The following COL4A1 variants were observed in gnomAD, a reference collection of about 807,000 sequenced individuals.
The protein encoded by COL4A1 is collagen alpha-1(IV) chain.
A neutral mutation model predicts 216.6 loss-of-function variants in COL4A1; 40 were observed. The ratio of observed to expected loss-of-function variants is 0.18; its 90% CI spans 0.14 to 0.24. The LOEUF is 0.24. Among genes scored for constraint, COL4A1 ranks in the 10% least tolerant of loss-of-function variants. The pLI is 1.00. For missense variants in COL4A1, 1,628 were observed against 2,196.8 expected (o/e 0.74, Z 5.18); for synonymous variants, 839 against 810.7 (o/e 1.03, Z -0.59).
At position 110,270,601 on chromosome 13, in the gene COL4A1, G is replaced by A. The variant is rs141869245; in HGVS notation, c.85-27867C>T. On this transcript the variant is annotated intron_variant, in intron 1 of 51. Coordinates refer to ENST00000375820, the MANE Select transcript of COL4A1 (RefSeq NM_001845.6). ...GTACACTGGAAGGTGCTGAGGCTTA[G>A]GGTGGGGCAGATGGGAACGAGGTCT... Among the ~76,000 whole-genome samples the A allele has an allele frequency of 7.9e-5, 12 of 152,292 alleles. No homozygotes were observed. The East Asian group carries it at 2.3e-3, about 29-fold the overall frequency.
intron 4 of COL4A1, 25 bp downstream of exon 4, chr13:110,213,757 G>A (rs536678882): frequency 1.2e-5 from 19 of 1,611,830 alleles, no homozygotes; most frequent in Middle Eastern, 1.7e-4. Context: ...TGGAATCATC[G>A]ATTGTGAGTA....
intron 1 of COL4A1, among the ~76,000 whole-genome samples, chr13:110,247,142 G>C (rs1333096333): frequency 6.6e-6 from 1 of 152,142 alleles, no homozygotes; most frequent in African/African-American, 2.4e-5. Context: ...AACCAAGTCA[G>C]TTTTGAAAGT....
In COL4A1 at chr13:110,253,049, GTACGTATGTATTACATATACATA is replaced by G. The variant is rs1882235139; in HGVS notation, c.85-10338_85-10316del. Among the ~76,000 whole-genome samples the G allele has an allele frequency of 1.4e-4, 12 of 86,362 alleles. 2 individuals carry two copies. The highest frequency in any genetic ancestry group is 5.1e-4 in the South Asian group (1 of 1,946). The allele number at this position is 86,362 out of a possible 152,430, so 56.7% of individuals were successfully genotyped here. On this transcript the variant is annotated intron_variant, in intron 1 of 51. Coordinates refer to ENST00000375820, the MANE Select transcript of COL4A1 (RefSeq NM_001845.6). Reference sequence around the variant, plus strand: ...GTATTACATATACATATAACTATAAGTACGTATGTATTACATATACATATAACTATAAGTACGTATGTATTACA... The same window carrying G: ...GTATTACATATACATATAACTATAAGTAACTATAAGTACGTATGTATTACA...
Position 110,198,078 on chromosome 13 carries a change from G to GGGGT in COL4A1, c.1285+388_1285+389insACCC, listed in dbSNP as rs1555305318. 3.1e-3 allele frequency among the ~76,000 whole-genome samples: 437 copies of GGGGT among 141,932 alleles called. 2 individuals carry two copies. Among genetic ancestry groups the GGGGT allele is most frequent in the Middle Eastern group, 0.014 (4 of 278 alleles). 93.1% of individuals were successfully genotyped at this position (141,932 alleles called of 152,430 possible). On this transcript the variant is annotated intron_variant, in intron 21 of 51. Transcript: ENST00000375820. ...GTAATCCTGTCTTCCTTGTTTCTGG[G>GGGGT]GTGTGTGTGTGTGTGTGTGTGTGTG...
chr13:110,188,192 G>C (rs1231776293), intron 24 of COL4A1, among the ~76,000 whole-genome samples: 1 of 152,238 alleles, frequency 6.6e-6, no homozygotes. Context: ...CCTGAGAAAG[G>C]CATCTTCAGA....
chr13:110,198,886 T>G (rs899548785), intron 20 of COL4A1, among the ~76,000 whole-genome samples: 1 of 152,248 alleles, frequency 6.6e-6, no homozygotes, highest in African/African-American at 2.4e-5. Flanking sequence ...TGAATTTCTC[T>G]CAGTGCAAAT....
Position 110,206,682 on chromosome 13 carries a change from C to T in COL4A1, c.841G>A (p.Gly281Arg), listed in dbSNP as rs866316555. Reference protein sequence around the residue: ...MPGVGEKGEPGKPGPRGKPGK... With the variant: ...MPGVGEKGEPRKPGPRGKPGK... ...GCACTTACTCTGGGTCCTGGTTTTC[C>T]GGGTTCACCTTTCTCTCCGACCCCT... The change falls in exon 15 of 52, where the codon GGA (glycine) becomes AGA (arginine). Residue 281 changes from glycine to arginine, a missense_variant. Physicochemically the swap from Gly to Arg is moderately radical, Grantham distance 125. Transcript: ENST00000375820. 2 of 1,614,100 alleles carry T rather than the reference C, an allele frequency of 1.2e-6. No individual in the cohort carries two copies. The highest frequency in any genetic ancestry group is 1.3e-5 in the African/African-American group (1 of 75,016).
Position 110,152,518 on chromosome 13 carries a change from A to C in COL4A1, c.4756-12T>G. 1 of 1,605,876 alleles carries C rather than the reference A, an allele frequency of 6.2e-7. No individual in the cohort carries two copies. Among genetic ancestry groups the C allele is most frequent in the Non-Finnish European group, 8.5e-7 (1 of 1,178,724 alleles). ...CCAGCGCTGGTGTGCTGCAGAACAG[A>C]TGCGAGCCGTGAGTCAGAGGTTCCC... On this transcript the variant is annotated splice_polypyrimidine_tract_variant and intron_variant, in intron 50 of 51. Transcript: ENST00000375820.
chr13:110,286,290 A>T (rs894798925), intron 1 of COL4A1, among the ~76,000 whole-genome samples: 1 of 152,182 alleles, frequency 6.6e-6, no homozygotes, highest in African/African-American at 2.4e-5. Context: ...GCCAATAACC[A>T]TCTGGTTTAT....
intron 2 of COL4A1, among the ~76,000 whole-genome samples, chr13:110,241,222 G>A (rs1881553351): frequency 6.6e-6 from 1 of 152,182 alleles, no homozygotes; most frequent in African/African-American, 2.4e-5. Context: ...AGTATGTAAA[G>A]CTCCAGAGCC....
intron 46 of COL4A1, among the ~76,000 whole-genome samples, chr13:110,163,762 G>C (rs912699708): frequency 1.3e-5 from 2 of 152,090 alleles, no homozygotes; most frequent in African/African-American, 4.8e-5. Flanking sequence ...TATTCATAAG[G>C]GGGTGTGTGT....
intron 2 of COL4A1, among the ~76,000 whole-genome samples, chr13:110,239,418 T>C (rs549469665): frequency 1.2e-4 from 18 of 152,298 alleles, no homozygotes; most frequent in African/African-American, 4.3e-4. Context: ...AAGTAATAAT[T>C]TCCAAATTTC....
At chr13:110,192,345 CT>C in intron 23 of COL4A1, 61 bp from the exon 24 acceptor site, 4 of 1,507,442 alleles carry the variant, frequency 2.7e-6, no homozygotes, top group Non-Finnish European at 3.7e-6. Flanking sequence ...TTCTCAAAAC[CT>C]TTTCTTAAGA....
intron 1 of COL4A1, among the ~76,000 whole-genome samples, chr13:110,260,704 G>A (rs927784421): frequency 5.9e-5 from 9 of 152,038 alleles, no homozygotes; most frequent in African/African-American, 1.7e-4. Context: ...TGGTGGGGAC[G>A]GTCACACAAC....
intron 1 of COL4A1, among the ~76,000 whole-genome samples, chr13:110,277,062 G>C (rs1883458554): frequency 2.0e-5 from 3 of 152,116 alleles, no homozygotes; most frequent in African/African-American, 7.2e-5. Flanking sequence ...GTAGACATCT[G>C]GGTTTTTGAA....
intron 2 of COL4A1, among the ~76,000 whole-genome samples, chr13:110,237,801 AT>A (rs1881388966): frequency 6.6e-6 from 1 of 152,250 alleles, no homozygotes. Context: ...TGACATGGAC[AT>A]ACACCGATTG....
At chr13:110,286,661 G>A (rs997346611) in intron 1 of COL4A1, among the ~76,000 whole-genome samples, 1 of 152,166 alleles carries the variant, frequency 6.6e-6, no homozygotes, top group African/African-American at 2.4e-5. Context: ...ACTGAGATTG[G>A]CTGAAGCTGT....
At chr13:110,163,334 C>T (rs944148918) in intron 47 of COL4A1, 129 bp downstream of exon 47, 4 of 789,448 alleles carry the variant, frequency 5.1e-6, no homozygotes, top group Non-Finnish European at 8.9e-6. Flanking sequence ...TTCTAAGAAA[C>T]AGACTTCTTC....
At chr13:110,263,344 A>G (rs1882901619) in intron 1 of COL4A1, among the ~76,000 whole-genome samples, 1 of 152,224 alleles carries the variant, frequency 6.6e-6, no homozygotes, top group Non-Finnish European at 1.5e-5. Flanking sequence ...CCAACCCTTT[A>G]CCATGTCAAG....
Sources: allele counts gnomAD v4.1 joint callset (sites outside exome capture counted in the v4.1 genomes callset), GRCh38; gene constraint gnomAD v4.1.1; transcripts MANE v1.5; gene names NCBI Gene and HGNC (gene_info 2026-07-23, HGNC 2026-07-21).